Variants in PIEZO2 observed in about 807,000 individuals in gnomAD.
PIEZO2 encodes the protein piezo type mechanosensitive ion channel component 2, also known as piezo-type mechanosensitive ion channel component 2.
A neutral mutation model predicts 337.3 loss-of-function variants in PIEZO2; 172 were observed. The ratio of observed to expected loss-of-function variants is 0.51; its 90% confidence interval spans 0.45 to 0.58. PIEZO2 has a LOEUF of 0.58. PIEZO2 is among the 20% of genes least tolerant of loss of function. The probability of loss-of-function intolerance (pLI) is 0.00; values close to 1 mark genes in which losing one functional copy is unlikely to be tolerated. For synonymous variants in PIEZO2, 1,251 were observed against 1,228.5 expected (o/e 1.02, Z -0.38); for missense variants, 3,028 against 3,391.3 (o/e 0.89, Z 2.66).
At chr18:10,887,065 CTT>C (rs143421507) in intron 4 of PIEZO2, among the ~76,000 whole-genome samples, 2 of 91,396 alleles carry the variant, frequency 2.2e-5, no homozygotes, top group Non-Finnish European at 2.0e-5. Context: ...AGGTGACACA[CTT>C]TTTTTTTTTT....
intron 2 of PIEZO2, among the ~76,000 whole-genome samples, chr18:10,991,389 C>T (rs570732585): frequency 6.8e-6 from 1 of 147,614 alleles, no homozygotes; most frequent in African/African-American, 2.5e-5. Context: ...TTGCCCCCCA[C>T]CCCCCGACAG....
At position 10,677,083 on chromosome 18, in the gene PIEZO2, C is replaced by T. The variant is rs1323722678; in HGVS notation, c.8081+664G>A. ...TCCCAATAGCTGAGGGAGACAGCCA[C>T]TCTGCAGACTGAAGACAGACCTGGA... On this transcript the variant is annotated intron_variant, in intron 53 of 55. Coordinates refer to ENST00000674853, the MANE Select transcript of PIEZO2 (RefSeq NM_001378183.1). The surrounding 1 kb of genome is among the most constrained non-coding windows in gnomAD (Gnocchi z 4.1). Among the ~76,000 whole-genome samples the T allele has an allele frequency of 1.3e-5, 2 of 152,192 alleles. No homozygotes were observed. The highest frequency in any genetic ancestry group is 2.9e-5 in the Non-Finnish European group (2 of 68,032).
chr18:10,674,907 G>A (rs191951731), intron 54 of PIEZO2, among the ~76,000 whole-genome samples: 1 of 152,214 alleles, frequency 6.6e-6, no homozygotes, highest in Non-Finnish European at 1.5e-5. Context: ...TTTCCTGTCA[G>A]TAATCTGGCT....
chr18:10,881,368 C>T (rs148588255), intron 4 of PIEZO2, among the ~76,000 whole-genome samples: 1 of 152,174 alleles, frequency 6.6e-6, no homozygotes, highest in Non-Finnish European at 1.5e-5. Flanking sequence ...GCTTTATTCT[C>T]CTAAAAGGGT....
rs1446276552 is a variant in PIEZO2, at chr18:11,148,071, CG to C, written c.64+453del. On this transcript the variant is annotated intron_variant, in intron 1 of 55. Transcript: ENST00000674853. This position sits in a 1 kb window ranked among gnomAD's most constrained non-coding sequence, Gnocchi z 5.2. ...CCGGAGTCCTTCACTTCTTCCTTCA[CG>C]GTTGCTGGGATTTGGGGTCTGGGAG... Among the ~76,000 whole-genome samples the C allele has an allele frequency of 2.0e-5, 3 of 152,114 alleles. No homozygotes were observed. The highest frequency in any genetic ancestry group is 7.2e-5 in the African/African-American group (3 of 41,424).
At chr18:11,122,998 C>T (rs35931325) in intron 1 of PIEZO2, among the ~76,000 whole-genome samples, 83,053 of 151,028 alleles carry the variant, frequency 0.55, 26,210 homozygotes, top group Non-Finnish European at 0.7. Context: ...TAATGTGCGG[C>T]TTTTTCCCAA....
At chr18:10,822,740 C>A (rs775236558) in intron 7 of PIEZO2, among the ~76,000 whole-genome samples, 3 of 152,168 alleles carry the variant, frequency 2.0e-5, no homozygotes, top group Admixed American at 1.3e-4. Flanking sequence ...ATTTTGTGAA[C>A]GCGTTGGGGT....
At position 11,002,620 on chromosome 18, in the gene PIEZO2, T is replaced by C. The variant is rs1308034019; in HGVS notation, c.161-22960A>G. 6.6e-6 allele frequency among the ~76,000 whole-genome samples: 1 copy of C among 152,222 alleles called. No homozygotes were observed. Among genetic ancestry groups the C allele is most frequent in the East Asian group, 1.9e-4 (1 of 5,190 alleles). On this transcript the variant is annotated intron_variant, in intron 2 of 55. Transcript: ENST00000674853. The surrounding 1 kb of genome is among the most constrained non-coding windows in gnomAD (Gnocchi z 4.3). ...AATTGGAAAAAATATCAGAGCTCAA[T>C]TTGTAAAGATATGCCTAATATTCTT...
chr18:11,058,866 G>C (rs1443874317), intron 2 of PIEZO2, among the ~76,000 whole-genome samples: 2 of 152,174 alleles, frequency 1.3e-5, no homozygotes, highest in African/African-American at 4.8e-5. Context: ...CCCCAATCTA[G>C]CAAGGCAGGC....
chr18:11,074,003 T>C (rs2038436677), intron 1 of PIEZO2, among the ~76,000 whole-genome samples: 1 of 152,032 alleles, frequency 6.6e-6, no homozygotes, highest in Non-Finnish European at 1.5e-5. Flanking sequence ...CATGCCACCA[T>C]GCCCGGCTAA....
chr18:10,944,192 G>A (rs531376533), intron 3 of PIEZO2, among the ~76,000 whole-genome samples: 143 of 152,084 alleles, frequency 9.4e-4, no homozygotes, highest in African/African-American at 3.1e-3. Flanking sequence ...GGTGGATGAG[G>A]CAATCATCAG....
rs2040378802 is a variant in PIEZO2 at position 11,132,834 on chromosome 18, G to C, written c.64+15691C>G. On this transcript the variant is annotated intron_variant, in intron 1 of 55. Coordinates refer to ENST00000674853, the MANE Select transcript of PIEZO2 (RefSeq NM_001378183.1). The surrounding 1 kb of genome is among the most constrained non-coding windows in gnomAD (Gnocchi z 4.7). The stretch of plus-strand genomic sequence containing the variant: ...TCACTGGGTCATCTCCAGCATGCAT[G>C]GAATACAGGAGATCCATTAGGGCGT... 6.6e-6 allele frequency among the ~76,000 whole-genome samples: 1 copy of C among 152,146 alleles called. No homozygotes were observed. Among genetic ancestry groups the C allele is most frequent in the Admixed American group, 6.5e-5 (1 of 15,280 alleles).
intron 2 of PIEZO2, among the ~76,000 whole-genome samples, chr18:11,012,037 A>C (rs960230758): frequency 1.3e-5 from 2 of 151,932 alleles, no homozygotes; most frequent in Non-Finnish European, 2.9e-5. Flanking sequence ...GTAGGTCACC[A>C]ATGGTGTTTA....
At chr18:11,053,089 C>T (rs1243161770) in intron 2 of PIEZO2, among the ~76,000 whole-genome samples, 1 of 152,166 alleles carries the variant, frequency 6.6e-6, no homozygotes, top group Non-Finnish European at 1.5e-5. Context: ...CAGTCTTTGT[C>T]TGTGACATGA....
chr18:10,809,260 C>CTTTTTTTTTTTTTTTTTTTTTT lies in PIEZO2; in HGVS notation c.918-2008_918-1987dup, dbSNP rs869210659. 4.6e-5 allele frequency among the ~76,000 whole-genome samples: 3 copies of CTTTTTTTTTTTTTTTTTTTTTT among 65,802 alleles called. 1 individual carries two copies. Among genetic ancestry groups the CTTTTTTTTTTTTTTTTTTTTTT allele is most frequent in the African/African-American group, 1.8e-4 (3 of 16,986 alleles). The allele number at this position is 65,802 out of a possible 152,430, so 43.2% of individuals were successfully genotyped here. A position where few individuals can be genotyped will look rare whatever the true frequency, so the allele number is the denominator to read the frequency against. On this transcript the variant is annotated intron_variant, in intron 7 of 55. Coordinates refer to ENST00000674853, the MANE Select transcript of PIEZO2 (RefSeq NM_001378183.1). ...ACCTAAGATTTCTCTCTCTCTCTCT[C>CTTTTTTTTTTTTTTTTTTTTTT]TTTTTTTTTTTTTTTTTTTTTTTTT...
rs1193821540 is a variant in PIEZO2 at position 11,099,167 on chromosome 18, C to T, written c.65-32945G>A. Among the ~76,000 whole-genome samples the T allele has an allele frequency of 6.6e-6, 1 of 152,176 alleles. No homozygotes were observed. Among genetic ancestry groups the T allele is most frequent in the African/African-American group, 2.4e-5 (1 of 41,442 alleles). On this transcript the variant is annotated intron_variant, in intron 1 of 55. Coordinates refer to ENST00000674853, the MANE Select transcript of PIEZO2 (RefSeq NM_001378183.1). This position sits in a 1 kb window ranked among gnomAD's most constrained non-coding sequence, Gnocchi z 5.4. The stretch of plus-strand genomic sequence containing the variant: ...TTATTTAACCAATTCCCTGACTGGA[C>T]TGACATTTCACTATTTTTTACAGTC...
intron 2 of PIEZO2, among the ~76,000 whole-genome samples, chr18:11,005,529 C>T (rs1238669171): frequency 2.6e-5 from 4 of 152,160 alleles, no homozygotes; most frequent in East Asian, 3.8e-4. Flanking sequence ...ATGCTGGGGG[C>T]GTCATTACAC....
In PIEZO2 at chr18:10,750,944, G is replaced by C. The variant is rs1598431925; in HGVS notation, c.4168-757C>G. Among the ~76,000 whole-genome samples, 1 of 152,216 alleles carries C rather than the reference G, an allele frequency of 6.6e-6. No homozygotes were observed. Among genetic ancestry groups the C allele is most frequent in the South Asian group, 2.1e-4 (1 of 4,818 alleles). On this transcript the variant is annotated intron_variant, in intron 28 of 55. Transcript: ENST00000674853. The surrounding 1 kb of genome is among the most constrained non-coding windows in gnomAD (Gnocchi z 4.1). ...TCCTACACCATCATGTCCTGCTTTTGTTCCTGTTTTCCAGGCTAAGAATGC... is the reference window on the plus strand; with the variant it reads ...TCCTACACCATCATGTCCTGCTTTTCTTCCTGTTTTCCAGGCTAAGAATGC...
At chr18:10,718,063 G>T in intron 37 of PIEZO2, 137 bp downstream of exon 37, 1 of 751,918 alleles carries the variant, frequency 1.3e-6, no homozygotes, top group South Asian at 1.8e-5. Flanking sequence ...GAGATTCCAA[G>T]GGATACTGAT....
Sources: gnomAD v4.1 joint callset for allele counts (sites outside exome capture counted in the v4.1 genomes callset) on GRCh38, gnomAD v4.1.1 for gene constraint, Gnocchi (gnomAD v3.1) non-coding constraint, MANE v1.5 for transcripts, NCBI Gene and HGNC (gene_info 2026-07-23, HGNC 2026-07-21) for gene names.